The following RAB3C variants were observed in gnomAD, a reference collection of about 807,000 sequenced individuals.
RAB3C encodes RAB3C, member RAS oncogene family.
RAB3C carries 17 observed loss-of-function variants against 26.4 expected under a neutral mutation model. That is an observed-to-expected ratio of 0.64 (90% CI 0.44 to 0.97). RAB3C has a LOEUF of 0.97. RAB3C is among the 50% of genes least tolerant of loss of function. The pLI is 0.00. For missense variants in RAB3C, 242 were observed against 281.9 expected, an observed-to-expected ratio of 0.86 and a Z score of 1.01; for synonymous variants, 91 against 95.9, an observed-to-expected ratio of 0.95 and a Z score of 0.30.
chr5:58,802,395 CTG>C (rs1398953724), intron 3 of RAB3C, among the ~76,000 whole-genome samples: 1 of 152,168 alleles, frequency 6.6e-6, no homozygotes, highest in East Asian at 1.9e-4. Context: ...TGCAGTGACT[CTG>C]TGTGCACACT....
chr5:58,852,374 C>T lies in RAB3C; in HGVS notation c.*1023C>T, dbSNP rs1744132548. ...TGTAGACTTGCCTCCCCAAACACGG[C>T]CATCTTCTCAAACCTCAGCTAAGTT... On this transcript the variant is annotated 3_prime_UTR_variant, in exon 5 of 5. Transcript: ENST00000282878. 1 of 152,126 alleles carries T rather than the reference C, an allele frequency of 6.6e-6. No homozygotes were observed. The highest frequency in any genetic ancestry group is 1.5e-5 in the Non-Finnish European group (1 of 68,038). 9.4% of individuals were successfully genotyped at this position (152,126 alleles called of 1,614,324 possible).
intron 3 of RAB3C, among the ~76,000 whole-genome samples, chr5:58,781,554 T>C (rs1742271025): frequency 6.6e-6 from 1 of 151,930 alleles, no homozygotes; most frequent in Admixed American, 6.6e-5. Flanking sequence ...CATTAAGGCT[T>C]AATTCTTAGT....
At chr5:58,757,778 C>CATCCATTG (rs1409580575) in intron 3 of RAB3C, among the ~76,000 whole-genome samples, 1 of 152,148 alleles carries the variant, frequency 6.6e-6, no homozygotes, top group East Asian at 1.9e-4. Context: ...CTAGATTTAG[C>CATCCATTG]ATCCATTGAT....
chr5:58,662,332 T>A (rs1489804986), intron 2 of RAB3C, among the ~76,000 whole-genome samples: 17 of 150,198 alleles, frequency 1.1e-4, no homozygotes, highest in Non-Finnish European at 2.1e-4. Flanking sequence ...AAAATTATGA[T>A]TGTAGAGTTT....
intron 1 of RAB3C, among the ~76,000 whole-genome samples, chr5:58,594,475 G>T (rs1196409478): frequency 6.6e-6 from 1 of 152,174 alleles, no homozygotes; most frequent in East Asian, 1.9e-4. Context: ...AGTAGCTTTT[G>T]AATGGAAAGC....
intron 2 of RAB3C, among the ~76,000 whole-genome samples, chr5:58,653,131 C>T (rs957744775): frequency 1.3e-5 from 2 of 152,092 alleles, no homozygotes; most frequent in Admixed American, 1.3e-4. Context: ...CCTTGCCCCC[C>T]ACCCTCTGAC....
At chr5:58,842,086 G>C (rs1044449086) in intron 4 of RAB3C, among the ~76,000 whole-genome samples, 1 of 152,078 alleles carries the variant, frequency 6.6e-6, no homozygotes, top group Non-Finnish European at 1.5e-5. Context: ...TGACCATACT[G>C]GGCAGTAAAT....
chr5:58,666,135 G>A (rs1447413863), intron 2 of RAB3C, among the ~76,000 whole-genome samples: 2 of 152,174 alleles, frequency 1.3e-5, no homozygotes, highest in South Asian at 2.1e-4. Context: ...AGGGGTAAGA[G>A]GATGAAACAA....
chr5:58,696,815 C>A (rs1309826229), intron 2 of RAB3C, among the ~76,000 whole-genome samples: 1 of 151,800 alleles, frequency 6.6e-6, no homozygotes, highest in East Asian at 1.9e-4. Flanking sequence ...TCTCTCTTTC[C>A]TTCTTTATTA....
chr5:58,713,200 G>C (rs1749098584), intron 2 of RAB3C, among the ~76,000 whole-genome samples: 1 of 151,994 alleles, frequency 6.6e-6, no homozygotes, highest in South Asian at 2.1e-4. Context: ...AATACCTCAG[G>C]GGCCAGTCAA....
intron 3 of RAB3C, among the ~76,000 whole-genome samples, chr5:58,819,092 C>A (rs944534307): frequency 1.3e-5 from 2 of 152,154 alleles, no homozygotes; most frequent in African/African-American, 4.8e-5. Context: ...GGAAGAGGAG[C>A]AGCTGGCTGC....
chr5:58,591,939 C>T (rs10040892), intron 1 of RAB3C, among the ~76,000 whole-genome samples: 2,311 of 144,550 alleles, frequency 0.016, 67 homozygotes, highest in African/African-American at 0.055. Flanking sequence ...GCACTTGTTG[C>T]GCAGGCTGGA....
At chr5:58,615,865 T>C (rs1475140767) in intron 1 of RAB3C, among the ~76,000 whole-genome samples, 33 of 152,140 alleles carry the variant, frequency 2.2e-4, no homozygotes, top group South Asian at 4.1e-4. Flanking sequence ...CTTATTCTTA[T>C]ACATAAAATT....
chr5:58,832,456 T>G (rs1295189711), intron 4 of RAB3C, among the ~76,000 whole-genome samples: 1 of 152,224 alleles, frequency 6.6e-6, no homozygotes, highest in Admixed American at 6.5e-5. Flanking sequence ...ATTCATTTAC[T>G]AATGTATTCA....
chr5:58,835,733 C>A (rs1409289226), intron 4 of RAB3C, among the ~76,000 whole-genome samples: 2 of 151,780 alleles, frequency 1.3e-5, no homozygotes, highest in African/African-American at 4.9e-5. Flanking sequence ...ATTTGTTTTT[C>A]TTTTTTAACA....
At chr5:58,670,929 T>C (rs1661044859) in intron 2 of RAB3C, among the ~76,000 whole-genome samples, 1 of 152,136 alleles carries the variant, frequency 6.6e-6, no homozygotes, top group South Asian at 2.1e-4. Flanking sequence ...ATCAAACTCA[T>C]GTCAAACCCC....
At chr5:58,759,813 T>C (rs1161806810) in intron 3 of RAB3C, among the ~76,000 whole-genome samples, 1 of 152,216 alleles carries the variant, frequency 6.6e-6, no homozygotes, top group Admixed American at 6.5e-5. Flanking sequence ...CACTCTGTGG[T>C]CAAAATTTAG....
intron 2 of RAB3C, among the ~76,000 whole-genome samples, chr5:58,654,314 T>C (rs1412340838): frequency 1.3e-5 from 2 of 152,196 alleles, no homozygotes; most frequent in Non-Finnish European, 2.9e-5. Flanking sequence ...GATTTATGGA[T>C]TCTTTCCAAA....
chr5:58,654,784 T>A (rs539390489), intron 2 of RAB3C, among the ~76,000 whole-genome samples: 1 of 152,166 alleles, frequency 6.6e-6, no homozygotes, highest in Non-Finnish European at 1.5e-5. Flanking sequence ...ACATGTTTGA[T>A]AGTGATGATT....
Sources: gnomAD v4.1 joint callset for allele counts (sites outside exome capture counted in the v4.1 genomes callset) on GRCh38, gnomAD v4.1.1 for gene constraint, MANE v1.5 for transcripts, NCBI Gene and HGNC (gene_info 2026-07-23, HGNC 2026-07-21) for gene names.